The following MAPK9 variants were observed in gnomAD, a reference collection of about 807,000 sequenced individuals.
The protein encoded by MAPK9 is mitogen-activated protein kinase 9.
A neutral mutation model predicts 57.1 loss-of-function variants in MAPK9; 30 were observed. That is an observed-to-expected ratio of 0.53 (90% CI 0.39 to 0.71). The LOEUF is 0.71. Ranked by LOEUF, MAPK9 falls within the 30% of genes least tolerant of loss-of-function variation. The probability of loss-of-function intolerance (pLI) is 0.00; values close to 1 mark genes in which losing one functional copy is unlikely to be tolerated. For synonymous variants in MAPK9, 155 were observed against 177.0 expected (o/e 0.88, Z 0.99); for missense variants, 362 against 521.0 (o/e 0.69, Z 2.97).
intron 3 of MAPK9, among the ~76,000 whole-genome samples, chr5:180,265,416 A>T (rs1467418994): frequency 1.3e-5 from 2 of 152,190 alleles, no homozygotes; most frequent in African/African-American, 4.8e-5. Context: ...TGACTGGATC[A>T]TGGGGGCGGT....
chr5:180,264,320 G>C (rs561381615), intron 4 of MAPK9, among the ~76,000 whole-genome samples: 36 of 152,224 alleles, frequency 2.4e-4, no homozygotes, highest in Admixed American at 7.8e-4. Flanking sequence ...AATAAATTCA[G>C]GATGAAGTTG....
chr5:180,248,420 AT>A (rs1473127454), intron 6 of MAPK9, among the ~76,000 whole-genome samples: 4 of 152,268 alleles, frequency 2.6e-5, no homozygotes, highest in African/African-American at 9.6e-5. Context: ...AGTAAGCGTG[AT>A]TTCGTTATTT....
chr5:180,272,293 T>C (rs979066841), intron 2 of MAPK9, among the ~76,000 whole-genome samples: 5 of 152,218 alleles, frequency 3.3e-5, no homozygotes, highest in South Asian at 2.1e-4. Context: ...CCACCCTTGA[T>C]TGATAATAAG....
intron 4 of MAPK9, chr5:180,262,856 A>G (rs1760127473): frequency 6.6e-6 from 1 of 152,306 alleles, no homozygotes; most frequent in African/African-American, 2.4e-5. Flanking sequence ...GGCCAGTCCT[A>G]TAATCCCAGC....
chr5:180,252,967 A>G (rs1314272017), intron 5 of MAPK9, among the ~76,000 whole-genome samples: 1 of 152,130 alleles, frequency 6.6e-6, no homozygotes. Flanking sequence ...TTATGTGGAG[A>G]AGTAGAGCTG....
intron 1 of MAPK9, among the ~76,000 whole-genome samples, chr5:180,282,092 G>A (rs1339116232): frequency 1.3e-5 from 2 of 152,192 alleles, no homozygotes; most frequent in African/African-American, 4.8e-5. Context: ...AGGCAGGTCT[G>A]TCTTGCTCAT....
At chr5:180,284,628 AAC>A (rs1361283577) in intron 1 of MAPK9, among the ~76,000 whole-genome samples, 5 of 152,252 alleles carry the variant, frequency 3.3e-5, no homozygotes, top group Admixed American at 6.5e-5. Context: ...TAAACTGGCA[AAC>A]ACAATTCTCT....
chr5:180,263,843 C>G (rs1760251202), intron 4 of MAPK9, among the ~76,000 whole-genome samples: 2 of 151,624 alleles, frequency 1.3e-5, no homozygotes, highest in African/African-American at 4.8e-5. Context: ...GTAGCTGGGA[C>G]TACAGGCCCC....
At chr5:180,283,073 A>C (rs1189130319) in intron 1 of MAPK9, among the ~76,000 whole-genome samples, 1 of 152,164 alleles carries the variant, frequency 6.6e-6, no homozygotes, top group Non-Finnish European at 1.5e-5. Flanking sequence ...GAAGCCGTCA[A>C]AACATCAGAG....
At chr5:180,271,873 AG>A (rs763232472) in intron 2 of MAPK9, among the ~76,000 whole-genome samples, 6 of 152,186 alleles carry the variant, frequency 3.9e-5, no homozygotes, top group Non-Finnish European at 8.8e-5. Context: ...GATTTTTTCT[AG>A]TTTTCCCCAC....
intron 2 of MAPK9, among the ~76,000 whole-genome samples, chr5:180,270,898 T>C (rs1210768639): frequency 6.6e-6 from 1 of 150,480 alleles, no homozygotes; most frequent in African/African-American, 2.5e-5. Context: ...AAAAAAGAAT[T>C]TGAAAACAGA....
In MAPK9 at chr5:180,280,605, A is replaced by T. The variant is rs1161944651; in HGVS notation, c.-44T>A. ...ATCCCGAAGGGTGGGCAAGTTTCAG[A>T]TCCCTTCAAAGAAAAACAGAATGAA... On this transcript the variant is annotated 5_prime_UTR_variant, in exon 2 of 12. Coordinates refer to ENST00000452135, the MANE Select transcript of MAPK9 (RefSeq NM_002752.5). 1 of 1,598,350 alleles carries T rather than the reference A, an allele frequency of 6.3e-7. No individual in the cohort carries two copies. Among genetic ancestry groups the T allele is most frequent in the Non-Finnish European group, 8.5e-7 (1 of 1,171,340 alleles).
chr5:180,285,741 T>C (rs1030019985), intron 1 of MAPK9, among the ~76,000 whole-genome samples: 3 of 150,626 alleles, frequency 2.0e-5, no homozygotes, highest in Non-Finnish European at 4.4e-5. Context: ...CTGGGCAACA[T>C]GGTGAGGCTT....
chr5:180,239,145 C>T (rs772326511), intron 10 of MAPK9, among the ~76,000 whole-genome samples: 1 of 152,220 alleles, frequency 6.6e-6, no homozygotes, highest in Admixed American at 6.5e-5. Context: ...AATCCACAGG[C>T]CTAAGTCTTT....
intron 7 of MAPK9, chr5:180,246,036 G>T (rs1035452874): frequency 6.6e-6 from 1 of 152,058 alleles, no homozygotes; most frequent in African/African-American, 2.4e-5. Flanking sequence ...TGTATAGCAG[G>T]AATTTTAATT....
chr5:180,267,503 A>G (rs11249688), intron 3 of MAPK9, among the ~76,000 whole-genome samples: 37,066 of 147,338 alleles, frequency 0.25, 5,378 homozygotes, highest in South Asian at 0.36. Flanking sequence ...CGGAGCTTGC[A>G]GTGAGCTGAG....
At chr5:180,280,177 G>GAA in intron 2 of MAPK9, 9 of 400,954 alleles carry the variant, frequency 2.2e-5, no homozygotes, top group Admixed American at 4.0e-5. Flanking sequence ...CAGGAGAAAT[G>GAA]AAAAAAAAAA....
chr5:180,266,110 T>C (rs1760521198), intron 3 of MAPK9, among the ~76,000 whole-genome samples: 1 of 147,726 alleles, frequency 6.8e-6, no homozygotes, highest in Admixed American at 6.7e-5. Context: ...AAAAAAACCC[T>C]CCTACAAATG....
At chr5:180,254,801 G>A (rs11960340) in intron 5 of MAPK9, among the ~76,000 whole-genome samples, 55,673 of 152,092 alleles carry the variant, frequency 0.37, 10,503 homozygotes, top group Non-Finnish European at 0.41. Context: ...TTGGGAGGCC[G>A]AGGCGGGCGG....
Sources: gnomAD v4.1 joint callset for allele counts (sites outside exome capture counted in the v4.1 genomes callset) on GRCh38, gnomAD v4.1.1 for gene constraint, MANE v1.5 for transcripts, NCBI Gene and HGNC (gene_info 2026-07-23, HGNC 2026-07-21) for gene names.